ZFHX3: variants seen among roughly 807,000 people sequenced by gnomAD.
ZFHX3 encodes the protein zinc finger homeobox protein 3.
In ZFHX3, 42 loss-of-function variants were observed where a neutral mutation model predicts 279.1. The observed-to-expected ratio is 0.15, with a 90% confidence interval of 0.12 to 0.19. The LOEUF (loss-of-function observed/expected upper bound fraction) is 0.19, where lower values mean the gene tolerates loss of function less well. Among genes scored for constraint, ZFHX3 ranks in the 10% least tolerant of loss-of-function variants. ZFHX3 has a pLI of 1.00. For missense variants in ZFHX3, 4,981 were observed against 4,754.0 expected (o/e 1.05, Z -1.40); for synonymous variants, 2,293 against 1,957.8 (o/e 1.17, Z -4.52).
intron 6 of ZFHX3, among the ~76,000 whole-genome samples, chr16:73,140,098 C>G (rs946226726): frequency 2.6e-5 from 4 of 152,020 alleles, no homozygotes; most frequent in African/African-American, 9.7e-5. Flanking sequence ...GAGACCTTAT[C>G]TCTACAAATA....
intron 1 of ZFHX3, among the ~76,000 whole-genome samples, chr16:73,754,192 A>G (rs1232556102): frequency 6.6e-6 from 1 of 152,148 alleles, no homozygotes; most frequent in Non-Finnish European, 1.5e-5. Flanking sequence ...ACTCACATCA[A>G]CCGAGCTACA....
rs1408162014 is a variant in ZFHX3 at position 72,794,984 on chromosome 16, CAAA to C, written c.7695_7697del (p.Phe2565del). On this transcript the variant is annotated inframe_deletion, in exon 9 of 10. Transcript: ENST00000268489. The surrounding 1 kb of genome is among the most constrained non-coding windows in gnomAD (Gnocchi z 4.2). ...TGAAAGGCATATCCAGGGACCTGTC[CAAA>C]AACTGGGGGTGGATGAACTGGTTCT... 5 of 1,614,128 alleles carry C rather than the reference CAAA, an allele frequency of 3.1e-6. No homozygotes were observed. The highest frequency in any genetic ancestry group is 1.3e-5 in the African/African-American group (1 of 75,012).
rs1230163444 is a variant in ZFHX3 at position 73,873,733 on chromosome 16, AAAT to A, written c.-1608+17915_-1608+17917del. 2.6e-5 allele frequency among the ~76,000 whole-genome samples: 4 copies of A among 152,334 alleles called. No homozygotes were observed. The East Asian group carries it at 7.7e-4, about 29-fold the overall frequency. ...GAAAGGAAAAAAATGCATATGAATC[AAAT>A]AATGTTGATTTTTACTCTCTCTTTA... On this transcript the variant is annotated intron_variant, in intron 1 of 17. Coordinates refer to the ZFHX3 transcript ENST00000641206.
chr16:73,620,295 A>C (rs1274706360), intron 2 of ZFHX3, among the ~76,000 whole-genome samples: 1 of 152,238 alleles, frequency 6.6e-6, no homozygotes, highest in Non-Finnish European at 1.5e-5. Context: ...TCTCAGGTTG[A>C]GACTTATAAA....
intron 4 of ZFHX3, among the ~76,000 whole-genome samples, chr16:72,851,682 G>A (rs1313434496): frequency 1.3e-5 from 2 of 151,958 alleles, no homozygotes; most frequent in African/African-American, 4.8e-5. Flanking sequence ...AGCCTCCCGA[G>A]TAGCTGGGAT....
At chr16:73,779,881 G>C (rs538522800) in intron 1 of ZFHX3, among the ~76,000 whole-genome samples, 52 of 151,932 alleles carry the variant, frequency 3.4e-4, no homozygotes, top group African/African-American at 1.2e-3. Flanking sequence ...GCAACACCCA[G>C]CTAATTTTTG....
At chr16:72,874,198 A>ATTTTTTTTTTTTTTTTTTTTTTTTT (rs565664402) in intron 4 of ZFHX3, among the ~76,000 whole-genome samples, 1 of 95,160 alleles carries the variant, frequency 1.1e-5, no homozygotes, top group African/African-American at 4.7e-5. Context: ...GGATTTTTTG[A>ATTTTTTTTTTTTTTTTTTTTTTTTT]TTTTTTTTTT....
chr16:73,063,036 G>A (rs1378090218), upstream of ZFHX3, among the ~76,000 whole-genome samples: 1 of 152,188 alleles, frequency 6.6e-6, no homozygotes, highest in Non-Finnish European at 1.5e-5. Flanking sequence ...GCAGCGCTCC[G>A]GGCCAGCCGG....
At chr16:73,745,811 G>A (rs1173242484) in intron 1 of ZFHX3, among the ~76,000 whole-genome samples, 2 of 152,094 alleles carry the variant, frequency 1.3e-5, no homozygotes, top group Non-Finnish European at 2.9e-5. Context: ...TATGTCTCTG[G>A]TGTCCTGACA....
At chr16:73,033,335 C>A (rs1201823087) in intron 1 of ZFHX3, among the ~76,000 whole-genome samples, 2 of 152,130 alleles carry the variant, frequency 1.3e-5, no homozygotes, top group East Asian at 1.9e-4. Context: ...CCCTTCCAGG[C>A]GCCTCCGAGG....
chr16:73,682,810 AAGAG>A (rs1295584024), intron 1 of ZFHX3, among the ~76,000 whole-genome samples: 1 of 146,612 alleles, frequency 6.8e-6, no homozygotes, highest in Non-Finnish European at 1.5e-5. Context: ...GAAAGAAAGA[AAGAG>A]AGAAAGAGAA....
intron 1 of ZFHX3, among the ~76,000 whole-genome samples, chr16:73,821,162 T>G (rs1161207379): frequency 6.6e-6 from 1 of 152,142 alleles, no homozygotes; most frequent in African/African-American, 2.4e-5. Flanking sequence ...ACAGAAGACA[T>G]GGAAGCAGAG....
intron 2 of ZFHX3, among the ~76,000 whole-genome samples, chr16:73,517,504 T>A (rs999767784): frequency 2.0e-5 from 3 of 152,178 alleles, no homozygotes; most frequent in Non-Finnish European, 4.4e-5. Context: ...CTACCCCAGT[T>A]TGAGTTAGTT....
At chr16:73,558,444 T>A (rs2020319253) in intron 2 of ZFHX3, 2 of 152,220 alleles carry the variant, frequency 1.3e-5, no homozygotes, top group African/African-American at 2.4e-5. Context: ...ATGCTTTGCC[T>A]TATCAAATGG....
At chr16:72,865,294 G>A (rs751894466) in intron 4 of ZFHX3, among the ~76,000 whole-genome samples, 1 of 152,216 alleles carries the variant, frequency 6.6e-6, no homozygotes, top group African/African-American at 2.4e-5. Context: ...AATGGGAAAA[G>A]GGCTTGTGGC....
chr16:73,182,582 G>A (rs1035134951), intron 5 of ZFHX3, among the ~76,000 whole-genome samples: 1 of 152,196 alleles, frequency 6.6e-6, no homozygotes, highest in African/African-American at 2.4e-5. Context: ...AGAAAGGCAT[G>A]TGCATTCATG....
intron 5 of ZFHX3, among the ~76,000 whole-genome samples, chr16:73,182,774 A>G (rs1967825522): frequency 6.6e-6 from 1 of 152,158 alleles, no homozygotes; most frequent in Admixed American, 6.5e-5. Flanking sequence ...CCTAACTGAA[A>G]TAGCTGAAAA....
chr16:73,831,844 C>T (rs1961004953), intron 1 of ZFHX3, among the ~76,000 whole-genome samples: 1 of 152,216 alleles, frequency 6.6e-6, no homozygotes. Flanking sequence ...ACTGGACATC[C>T]ATTTGTCCCA....
At chr16:72,917,990 T>C (rs2039483017) in intron 3 of ZFHX3, among the ~76,000 whole-genome samples, 1 of 151,588 alleles carries the variant, frequency 6.6e-6, no homozygotes, top group Admixed American at 6.6e-5. Context: ...CAGCAATAAA[T>C]GTCAAGTTCC....
Sources: gnomAD v4.1 joint callset for allele counts (sites outside exome capture counted in the v4.1 genomes callset) on GRCh38, gnomAD v4.1.1 for gene constraint, Gnocchi (gnomAD v3.1) non-coding constraint, MANE v1.5 for transcripts, NCBI Gene and HGNC (gene_info 2026-07-23, HGNC 2026-07-21) for gene names.